Variants in TULP4 observed in about 807,000 individuals in gnomAD.
The protein encoded by TULP4 is tubby-related protein 4.
Under a neutral mutation model 129.0 loss-of-function variants are expected in TULP4, and 16 were observed. That is an observed-to-expected ratio of 0.12 (90% CI 0.08 to 0.19). TULP4 has a LOEUF of 0.19. Among genes scored for constraint, TULP4 ranks in the 10% least tolerant of loss-of-function variants. TULP4 has a pLI of 1.00. For missense variants in TULP4, 1,842 were observed against 2,059.1 expected (o/e 0.89, Z 2.04); for synonymous variants, 998 against 854.0 (o/e 1.17, Z -2.94).
intron 7 of TULP4, among the ~76,000 whole-genome samples, chr6:158,480,240 G>C (rs945397806): frequency 1.3e-5 from 2 of 152,224 alleles, no homozygotes; most frequent in Admixed American, 6.5e-5. Flanking sequence ...ATGATCAAAG[G>C]AGTGACCATT....
chr6:158,258,378 T>C (rs1041942543), intron 1 of TULP4, among the ~76,000 whole-genome samples: 7 of 152,222 alleles, frequency 4.6e-5, no homozygotes, highest in African/African-American at 1.7e-4. Context: ...TGGCACAACA[T>C]GGCTGCCAGC....
In TULP4 at chr6:158,503,784, G is replaced by T. The variant is rs1448787904; in HGVS notation, c.4121G>T (p.Ser1374Ile). 1 of 1,614,010 alleles carries T rather than the reference G, an allele frequency of 6.2e-7. No homozygotes were observed. The highest frequency in any genetic ancestry group is 8.5e-7 in the Non-Finnish European group (1 of 1,180,042). ...TLSDFNSLIS[S>I]PHLGREKKKV... ...AGTGACTTTAATTCCCTAATCTCCAGCCCACACCTGGGGAGAGAGAAGAAG... is the reference window on the plus strand; with the variant it reads ...AGTGACTTTAATTCCCTAATCTCCATCCCACACCTGGGGAGAGAGAAGAAG... The change falls in exon 13 of 14, where the codon AGC becomes ATC. Residue 1374 changes from serine to isoleucine, a missense_variant. Transcript: ENST00000367097. This position sits in a 1 kb window ranked among gnomAD's most constrained non-coding sequence, Gnocchi z 4.3.
intron 1 of TULP4, among the ~76,000 whole-genome samples, chr6:158,340,116 C>T (rs762483841): frequency 6.6e-6 from 1 of 152,062 alleles, no homozygotes; most frequent in African/African-American, 2.4e-5. Context: ...TTACTGTAGG[C>T]AGTAGGACAT....
intron 1 of TULP4, among the ~76,000 whole-genome samples, chr6:158,367,936 A>C (rs1408400835): frequency 6.6e-6 from 1 of 151,218 alleles, no homozygotes; most frequent in Non-Finnish European, 1.5e-5. Context: ...AAAAAAAAAA[A>C]AATCAAATCT....
intron 1 of TULP4, among the ~76,000 whole-genome samples, chr6:158,401,768 T>C (rs1048518530): frequency 2.0e-5 from 3 of 152,194 alleles, no homozygotes; most frequent in African/African-American, 7.2e-5. Flanking sequence ...CTCTGTACTT[T>C]TGGAATTGCT....
chr6:158,263,802 C>T (rs1001116975), intron 1 of TULP4, among the ~76,000 whole-genome samples: 2 of 151,510 alleles, frequency 1.3e-5, no homozygotes, highest in African/African-American at 4.9e-5. Context: ...GTGGCTCATG[C>T]CTGTAATCAC....
At chr6:158,251,852 G>A (rs768047994) in intron 1 of TULP4, among the ~76,000 whole-genome samples, 1 of 152,116 alleles carries the variant, frequency 6.6e-6, no homozygotes, top group Non-Finnish European at 1.5e-5. Flanking sequence ...ACTATTGTAG[G>A]CACCAAGTAG....
chr6:158,498,872 G>A (rs1780386435), intron 12 of TULP4, 60 bp downstream of exon 12: 1 of 1,587,726 alleles, frequency 6.3e-7, no homozygotes, highest in Admixed American at 1.7e-5. Flanking sequence ...TCATGCAAGG[G>A]GGACAGAGCG....
At position 158,503,783 on chromosome 6, in the gene TULP4, A is replaced by G. The variant is rs778746328; in HGVS notation, c.4120A>G (p.Ser1374Gly). ...GAGTGACTTTAATTCCCTAATCTCC[A>G]GCCCACACCTGGGGAGAGAGAAGAA... The part of the protein sequence containing the change: ...TLSDFNSLIS[S>G]PHLGREKKKV... The change falls in exon 13 of 14, where the codon AGC (serine) becomes GGC (glycine). Residue 1374 changes from serine to glycine, a missense_variant. Transcript: ENST00000367097. The surrounding 1 kb of genome is among the most constrained non-coding windows in gnomAD (Gnocchi z 4.3). The G allele has an allele frequency of 1.2e-6, 2 of 1,614,148 alleles. No homozygotes were observed. Among genetic ancestry groups the G allele is most frequent in the Admixed American group, 1.7e-5 (1 of 60,026 alleles).
chr6:158,445,174 C>G (rs750040642), intron 3 of TULP4, among the ~76,000 whole-genome samples: 34 of 152,208 alleles, frequency 2.2e-4, no homozygotes, highest in Admixed American at 3.9e-4. Flanking sequence ...TAAACCAAAC[C>G]CAGCGAGGCA....
At chr6:158,376,981 C>T (rs1276089734) in intron 1 of TULP4, among the ~76,000 whole-genome samples, 1 of 152,210 alleles carries the variant, frequency 6.6e-6, no homozygotes, top group East Asian at 1.9e-4. Flanking sequence ...AACTGCTTGT[C>T]TGAGACACTG....
intron 2 of TULP4, among the ~76,000 whole-genome samples, chr6:158,428,941 G>T (rs899456960): frequency 3.3e-5 from 5 of 152,110 alleles, no homozygotes; most frequent in African/African-American, 1.2e-4. Flanking sequence ...ACAGAACACT[G>T]GTGATGCACA....
rs777555653 is a variant in TULP4, at chr6:158,503,122, G to C, written c.3459G>C (p.Leu1153=). 3.1e-6 allele frequency: 5 copies of C among 1,613,878 alleles called. No homozygotes were observed. Among genetic ancestry groups the C allele is most frequent in the Admixed American group, 1.7e-5 (1 of 59,990 alleles). ...CCAACCCCTTAAAACTGTCCTCTCT[G>C]ATGCTGAGTCAGGGCCAGCACCTGG... ...SGPNPLKLSS[L]MLSQGQHLDV... Residue 1153 remains leucine, a synonymous_variant, in exon 13 of 14, where the codon CTG becomes CTC. Transcript: ENST00000367097. This position sits in a 1 kb window ranked among gnomAD's most constrained non-coding sequence, Gnocchi z 4.3.
In TULP4 at chr6:158,502,459, G is replaced by A. The variant is rs745949010; in HGVS notation, c.2796G>A (p.Lys932=). 1.9e-6 allele frequency: 3 copies of A among 1,613,394 alleles called. No individual in the cohort carries two copies. The highest frequency in any genetic ancestry group is 2.5e-6 in the Non-Finnish European group (3 of 1,179,878). The change falls in exon 13 of 14, where the codon AAG becomes AAA. Residue 932 remains lysine, a synonymous_variant. Transcript: ENST00000367097. Reference sequence around the variant, plus strand: ...CCTTGAGGCTCACGGCCACTGAGAAGAAGGTCCCTCAGCCCTGCAGCAGTG... The same window carrying A: ...CCTTGAGGCTCACGGCCACTGAGAAAAAGGTCCCTCAGCCCTGCAGCAGTG... The part of the protein sequence containing the change: ...SATLRLTATE[K]KVPQPCSSAT...
At chr6:158,275,814 C>A (rs913796856) in intron 1 of TULP4, among the ~76,000 whole-genome samples, 1 of 152,084 alleles carries the variant, frequency 6.6e-6, no homozygotes, top group Non-Finnish European at 1.5e-5. Flanking sequence ...GACAGTAACT[C>A]GTCATCTTAT....
chr6:158,458,256 C>CA (rs2115172321), intron 5 of TULP4, among the ~76,000 whole-genome samples: 1 of 152,314 alleles, frequency 6.6e-6, no homozygotes, highest in East Asian at 1.9e-4. Context: ...TCACTGACTT[C>CA]ATATAACCTT....
At chr6:158,354,005 G>C (rs1780584934) in intron 1 of TULP4, among the ~76,000 whole-genome samples, 1 of 152,208 alleles carries the variant, frequency 6.6e-6, no homozygotes, top group Non-Finnish European at 1.5e-5. Flanking sequence ...AGTCTTCGGG[G>C]AGCAATTTTG....
chr6:158,263,036 T>G (rs1379544148), intron 1 of TULP4, among the ~76,000 whole-genome samples: 1 of 105,436 alleles, frequency 9.5e-6, no homozygotes, highest in Non-Finnish European at 2.2e-5. Context: ...TTTGTGTCCC[T>G]GTGTCTGTGT....
intron 1 of TULP4, among the ~76,000 whole-genome samples, chr6:158,297,685 G>C (rs1779057908): frequency 6.6e-6 from 1 of 152,196 alleles, no homozygotes; most frequent in Non-Finnish European, 1.5e-5. Flanking sequence ...TGGTCCCTCT[G>C]TTCGGGGTGC....
Sources: allele counts gnomAD v4.1 joint callset (sites outside exome capture counted in the v4.1 genomes callset), GRCh38; gene constraint gnomAD v4.1.1; non-coding constraint Gnocchi (gnomAD v3.1); transcripts MANE v1.5; gene names NCBI Gene and HGNC (gene_info 2026-07-23, HGNC 2026-07-21).